The following GNAL variants were observed in gnomAD, a reference collection of about 807,000 sequenced individuals.
GNAL encodes G protein subunit alpha L.
A neutral mutation model predicts 55.1 loss-of-function variants in GNAL; 18 were observed. The observed-to-expected ratio is 0.33, with a 90% CI of 0.23 to 0.48. GNAL has a LOEUF of 0.48. GNAL is among the 20% of genes least tolerant of loss of function. GNAL has a pLI of 0.99. For synonymous variants in GNAL, 253 were observed against 237.0 expected, an observed-to-expected ratio of 1.07 and a Z score of -0.62; for missense variants, 412 against 614.1, an observed-to-expected ratio of 0.67 and a Z score of 3.48.
chr18:11,847,636 C>CT (rs1481150512), intron 5 of GNAL, among the ~76,000 whole-genome samples: 12 of 151,026 alleles, frequency 7.9e-5, no homozygotes, highest in South Asian at 4.2e-4. Context: ...TCAAAAATTT[C>CT]TTTTTTTTTC....
intron 4 of GNAL, among the ~76,000 whole-genome samples, chr18:11,794,527 C>T (rs2034324426): frequency 6.6e-6 from 1 of 151,974 alleles, no homozygotes; most frequent in Non-Finnish European, 1.5e-5. Context: ...CCAGAATAGG[C>T]AAATGTATAG....
At chr18:11,700,902 C>G (rs1476451870) in intron 1 of GNAL, among the ~76,000 whole-genome samples, 1 of 152,216 alleles carries the variant, frequency 6.6e-6, no homozygotes, top group Non-Finnish European at 1.5e-5. Context: ...GATACCCATT[C>G]TTTGAGTCAC....
chr18:11,805,935 A>G (rs950917751), intron 4 of GNAL, among the ~76,000 whole-genome samples: 1 of 152,216 alleles, frequency 6.6e-6, no homozygotes, highest in African/African-American at 2.4e-5. Context: ...ACTGTTTTCC[A>G]TAGAAGTTGT....
At chr18:11,872,921 C>T (rs1383949985) in intron 10 of GNAL, among the ~76,000 whole-genome samples, 2 of 152,232 alleles carry the variant, frequency 1.3e-5, no homozygotes, top group African/African-American at 4.8e-5. Flanking sequence ...CTTATCTGCT[C>T]CTGTCTCTAG....
intron 5 of GNAL, chr18:11,852,198 T>C (rs1309267747): frequency 7.0e-7 from 1 of 1,423,470 alleles, no homozygotes; most frequent in Non-Finnish European, 9.3e-7. Flanking sequence ...CCCTAGAAAC[T>C]CTGAACACGC....
rs1204385641 is a variant in GNAL, at chr18:11,722,390, A to T, written c.377-30463A>T. Among the ~76,000 whole-genome samples the T allele has an allele frequency of 2.0e-5, 3 of 152,332 alleles. No homozygotes were observed. In the East Asian group the frequency reaches 5.8e-4, roughly 29 times the overall value. On this transcript the variant is annotated intron_variant, in intron 1 of 11. Coordinates refer to ENST00000334049, the MANE Select transcript of GNAL (RefSeq NM_182978.4). ...GTGAGTTGGGGATATTGTGAGTGGT[A>T]GGTCTGCTAACAGTGATATGTATTA... is the stretch of plus-strand genomic sequence containing the variant.
intron 1 of GNAL, among the ~76,000 whole-genome samples, chr18:11,725,238 T>C (rs1391973361): frequency 5.9e-5 from 9 of 152,078 alleles, no homozygotes; most frequent in Non-Finnish European, 1.0e-4. Context: ...TAGGATAAAA[T>C]GAGATTAGGA....
At chr18:11,796,393 C>G (rs547818541) in intron 4 of GNAL, among the ~76,000 whole-genome samples, 2 of 151,448 alleles carry the variant, frequency 1.3e-5, no homozygotes, top group Non-Finnish European at 2.9e-5. Flanking sequence ...CTGGCTAACA[C>G]GGTGAAACCC....
At chr18:11,831,608 T>C (rs1227002717) in intron 5 of GNAL, among the ~76,000 whole-genome samples, 3 of 152,236 alleles carry the variant, frequency 2.0e-5, no homozygotes, top group African/African-American at 7.2e-5. Flanking sequence ...AAAGGCCCTA[T>C]GGGGAAAAGT....
At chr18:11,750,389 G>A (rs1483512855) in intron 1 of GNAL, among the ~76,000 whole-genome samples, 1 of 152,106 alleles carries the variant, frequency 6.6e-6, no homozygotes, top group Non-Finnish European at 1.5e-5. Context: ...CTAGGGATCC[G>A]CGGTGGGCAC....
At chr18:11,880,409 A>T (rs1449597083) in intron 11 of GNAL, among the ~76,000 whole-genome samples, 2 of 151,880 alleles carry the variant, frequency 1.3e-5, no homozygotes, top group Non-Finnish European at 2.9e-5. Context: ...TCTCTACTAA[A>T]AATACAAAAA....
chr18:11,736,175 G>A (rs1385295799), intron 1 of GNAL, among the ~76,000 whole-genome samples: 1 of 152,118 alleles, frequency 6.6e-6, no homozygotes, highest in East Asian at 1.9e-4. Flanking sequence ...CGGGAAGATT[G>A]CTTGAGGCCA....
At chr18:11,854,648 C>T (rs748129701) in intron 5 of GNAL, among the ~76,000 whole-genome samples, 5 of 151,998 alleles carry the variant, frequency 3.3e-5, no homozygotes, top group Admixed American at 6.6e-5. Flanking sequence ...GGGCGTGGTG[C>T]TGCACACCTG....
chr18:11,868,681 T>A lies in GNAL; in HGVS notation c.1031+18T>A. The A allele has an allele frequency of 3.1e-6, 5 of 1,598,112 alleles. No homozygotes were observed. Among genetic ancestry groups the A allele is most frequent in the Non-Finnish European group, 4.3e-6 (5 of 1,173,768 alleles). ...AACAACAGGTGACAAAAATAGCAAA[T>A]TCAGTCTTACCATTGGATTGCAAAT... On this transcript the variant is annotated intron_variant, in intron 9 of 11. Coordinates refer to ENST00000334049, the MANE Select transcript of GNAL (RefSeq NM_182978.4). The surrounding 1 kb of genome is among the most constrained non-coding windows in gnomAD (Gnocchi z 4.0).
chr18:11,720,750 A>G (rs1168101344), intron 1 of GNAL, among the ~76,000 whole-genome samples: 2 of 152,208 alleles, frequency 1.3e-5, no homozygotes, highest in African/African-American at 4.8e-5. Context: ...TCAAGTTGTG[A>G]AAAGGCTCCT....
Position 11,884,681 on chromosome 18 carries a change from C to A in GNAL, c.*3546C>A, listed in dbSNP as rs561305545. 6 of 1,558,748 alleles carry A rather than the reference C, an allele frequency of 3.8e-6. No homozygotes were observed. Among genetic ancestry groups the A allele is most frequent in the Non-Finnish European group, 5.3e-6 (6 of 1,134,920 alleles). ...AGAGCACCAGGCACACGTTGAACAC[C>A]GCAGTCTTAGAAACAGCAGAGGGAA... On this transcript the variant is annotated 3_prime_UTR_variant, in exon 12 of 12. Coordinates refer to ENST00000334049, the MANE Select transcript of GNAL (RefSeq NM_182978.4).
Position 11,854,319 on chromosome 18 carries a change from A to AT in GNAL, c.723-8071dup, listed in dbSNP as rs200826824. Reference sequence around the variant, plus strand: ...CCATGTCATACTATTATGAATGTACATTTTTATGAGTCATAAATATTATTT... The same window carrying AT: ...CCATGTCATACTATTATGAATGTACATTTTTTATGAGTCATAAATATTATTT... On this transcript the variant is annotated intron_variant, in intron 5 of 11. Transcript: ENST00000334049. 443 of 167,230 alleles carry AT rather than the reference A, an allele frequency of 2.6e-3. 8 individuals carry two copies. The highest frequency in any genetic ancestry group is 0.024 in the Admixed American group (361 of 15,306). The allele number at this position is 167,230 out of a possible 1,614,324, so 10.4% of individuals were successfully genotyped here. A position where few individuals can be genotyped will look rare whatever the true frequency, so the allele number is the denominator to read the frequency against.
chr18:11,697,985 G>A (rs1215327015), intron 1 of GNAL, among the ~76,000 whole-genome samples: 1 of 152,098 alleles, frequency 6.6e-6, no homozygotes, highest in Non-Finnish European at 1.5e-5. Flanking sequence ...GGGACCACAT[G>A]CCACCCGGAG....
At chr18:11,858,878 CAGG>C (rs1406052590) in intron 5 of GNAL, among the ~76,000 whole-genome samples, 4 of 152,158 alleles carry the variant, frequency 2.6e-5, no homozygotes, top group African/African-American at 9.7e-5. Context: ...AGGTTGGCGA[CAGG>C]AGAAGACCCA....
Sources: allele counts gnomAD v4.1 joint callset (sites outside exome capture counted in the v4.1 genomes callset), GRCh38; gene constraint gnomAD v4.1.1; non-coding constraint Gnocchi (gnomAD v3.1); transcripts MANE v1.5; gene names NCBI Gene and HGNC (gene_info 2026-07-23, HGNC 2026-07-21).